Variants in SLC28A3 observed in about 807,000 individuals in gnomAD.
SLC28A3 encodes solute carrier family 28 member 3.
Under a neutral mutation model 84.2 loss-of-function variants are expected in SLC28A3, and 68 were observed. The observed-to-expected ratio is 0.81, with a 90% confidence interval of 0.66 to 0.99. The LOEUF (loss-of-function observed/expected upper bound fraction) is 0.99. Ranked by LOEUF, SLC28A3 falls within the 50% of genes least tolerant of loss-of-function variation. SLC28A3 has a pLI of 0.00. For missense variants in SLC28A3, 712 were observed against 841.5 expected (o/e 0.85, Z 1.90); for synonymous variants, 267 against 303.6 (o/e 0.88, Z 1.25).
At chr9:84,281,850 G>A (rs141046674) in intron 14 of SLC28A3, among the ~76,000 whole-genome samples, 4 of 152,368 alleles carry the variant, frequency 2.6e-5, no homozygotes, top group Admixed American at 1.3e-4. Flanking sequence ...CTAGGGCTGG[G>A]TGCGGTGGCT....
the SLC28A3 span, among the ~76,000 whole-genome samples, chr9:84,354,189 C>T: frequency 6.6e-6 from 1 of 152,216 alleles, no homozygotes; most frequent in African/African-American, 2.4e-5. Context: ...TCTCTTTGCT[C>T]AGATCTTAGC....
the SLC28A3 span, among the ~76,000 whole-genome samples, chr9:84,351,183 T>C: frequency 2.0e-5 from 3 of 152,210 alleles, no homozygotes; most frequent in South Asian, 4.1e-4. Flanking sequence ...TACTACAGCA[T>C]AAACACCCAC....
chr9:84,319,835 G>A (rs967958152), intron 1 of SLC28A3, among the ~76,000 whole-genome samples: 3 of 151,854 alleles, frequency 2.0e-5, no homozygotes, highest in African/African-American at 7.3e-5. Context: ...ATGTGACCAC[G>A]CCTTCACTCA....
Position 84,276,934 on chromosome 9 carries a change from G to T in SLC28A3, c.*1284C>A, listed in dbSNP as rs967555858. 3.3e-5 allele frequency: 5 copies of T among 152,194 alleles called. No homozygotes were observed. Among genetic ancestry groups the T allele is most frequent in the Non-Finnish European group, 7.3e-5 (5 of 68,048 alleles). The allele number at this position is 152,194 out of a possible 1,614,324, so 9.4% of individuals were successfully genotyped here. On this transcript the variant is annotated 3_prime_UTR_variant, in exon 18 of 18. Transcript: ENST00000376238. Reference sequence around the variant, plus strand: ...TGTTTGTGTTTTCTCACAGCATGTGGTCTTCATGCTATTAAGAGCAGTGGT... The same window carrying T: ...TGTTTGTGTTTTCTCACAGCATGTGTTCTTCATGCTATTAAGAGCAGTGGT...
At chr9:84,327,162 C>T (rs1317126254) in intron 1 of SLC28A3, among the ~76,000 whole-genome samples, 3 of 152,094 alleles carry the variant, frequency 2.0e-5, no homozygotes, top group Non-Finnish European at 2.9e-5. Flanking sequence ...TCTCTTTCTC[C>T]TTTCCTTTTT....
chr9:84,331,248 G>A (rs1204245959), intron 1 of SLC28A3, among the ~76,000 whole-genome samples: 1 of 152,152 alleles, frequency 6.6e-6, no homozygotes, highest in Non-Finnish European at 1.5e-5. Context: ...GTGTGTGTGT[G>A]TTTTAATTGA....
At chr9:84,297,326 C>T (rs1007209863) in intron 7 of SLC28A3, 28 bp from the exon 8 acceptor site, 4 of 1,568,396 alleles carry the variant, frequency 2.6e-6, no homozygotes, top group East Asian at 4.5e-5. Flanking sequence ...AAAGAGATTT[C>T]ATTCCAACCA....
intron 4 of SLC28A3, among the ~76,000 whole-genome samples, chr9:84,304,076 G>C (rs116505840): frequency 0.014 from 2,176 of 152,246 alleles, 52 homozygotes; most frequent in African/African-American, 0.05. Context: ...TTTGAACCTC[G>C]TGATTGATTC....
At chr9:84,291,117 G>T (rs1825203269) in intron 10 of SLC28A3, among the ~76,000 whole-genome samples, 1 of 152,236 alleles carries the variant, frequency 6.6e-6, no homozygotes, top group East Asian at 1.9e-4. Context: ...ATCTCTAATT[G>T]TTCTGTAAGA....
chr9:84,348,431 T>C, the SLC28A3 span, among the ~76,000 whole-genome samples: 2 of 152,022 alleles, frequency 1.3e-5, no homozygotes, highest in African/African-American at 4.8e-5. Flanking sequence ...ACTCACTAGC[T>C]GCAAGCTTGG....
chr9:84,365,284 C>G, the SLC28A3 span, among the ~76,000 whole-genome samples: 2 of 151,830 alleles, frequency 1.3e-5, no homozygotes, highest in Middle Eastern at 3.4e-3. Context: ...ATGTTGAGCA[C>G]CTTTTCATAT....
chr9:84,341,260 C>T (rs1040237141), upstream of SLC28A3, among the ~76,000 whole-genome samples: 3 of 152,048 alleles, frequency 2.0e-5, no homozygotes, highest in East Asian at 1.9e-4. Flanking sequence ...CATGAGCCAC[C>T]GTGCCCAGCC....
rs377212041 is a variant in SLC28A3, at chr9:84,340,659, G to A, written c.-26C>T. On this transcript the variant is annotated 5_prime_UTR_variant, in exon 1 of 18. Coordinates refer to ENST00000376238, the MANE Select transcript of SLC28A3 (RefSeq NM_001199633.2). ...GCTCTTTTTGCTGCTGGCTGGCTCT[G>A]GTCTGGAGGTCCTTTGTACCTGGGA... The A allele has an allele frequency of 6.2e-7, 1 of 1,613,970 alleles. No individual in the cohort carries two copies. The highest frequency in any genetic ancestry group is 1.1e-5 in the South Asian group (1 of 91,070).
chr9:84,340,662 C>T lies in SLC28A3; in HGVS notation c.-29G>A. 1.9e-6 allele frequency: 3 copies of T among 1,613,962 alleles called. No individual in the cohort carries two copies. Among genetic ancestry groups the T allele is most frequent in the Non-Finnish European group, 2.5e-6 (3 of 1,179,962 alleles). Reference sequence around the variant, plus strand: ...CTTTTTGCTGCTGGCTGGCTCTGGTCTGGAGGTCCTTTGTACCTGGGAAAA... The same window carrying T: ...CTTTTTGCTGCTGGCTGGCTCTGGTTTGGAGGTCCTTTGTACCTGGGAAAA... On this transcript the variant is annotated 5_prime_UTR_variant, in exon 1 of 18. Coordinates refer to ENST00000376238, the MANE Select transcript of SLC28A3 (RefSeq NM_001199633.2).
intron 14 of SLC28A3, among the ~76,000 whole-genome samples, chr9:84,284,702 A>G (rs568085146): frequency 6.6e-6 from 1 of 152,276 alleles, no homozygotes; most frequent in Admixed American, 6.5e-5. Context: ...ATCCCACCAA[A>G]GGCCAGGCAG....
At chr9:84,301,281 C>T (rs942920852) in intron 5 of SLC28A3, among the ~76,000 whole-genome samples, 10 of 130,510 alleles carry the variant, frequency 7.7e-5, no homozygotes, top group African/African-American at 2.0e-4. Context: ...ACCCAGGAGG[C>T]GGAGGTTGCA....
At position 84,302,679 on chromosome 9, in the gene SLC28A3, C is replaced by T. The variant is rs374613833; in HGVS notation, c.335-290G>A. 2.0e-5 allele frequency among the ~76,000 whole-genome samples: 3 copies of T among 152,240 alleles called. No homozygotes were observed. In the East Asian group the frequency reaches 5.8e-4, roughly 29 times the overall value. On this transcript the variant is annotated intron_variant, in intron 4 of 17. Coordinates refer to ENST00000376238, the MANE Select transcript of SLC28A3 (RefSeq NM_001199633.2). ...ATCTTGATGCTCAATCATTGGGCCT[C>T]TAAGTACTGGCCATTTTTACCACTG... is the stretch of plus-strand genomic sequence containing the variant.
chr9:84,276,751 A>G lies in SLC28A3; in HGVS notation c.*1467T>C, dbSNP rs1164294542. On this transcript the variant is annotated 3_prime_UTR_variant, in exon 18 of 18. Coordinates refer to ENST00000376238, the MANE Select transcript of SLC28A3 (RefSeq NM_001199633.2). ...GGCCTCCTCCTTCACCACCACAAAA[A>G]ACAAAACACACAAAAAACCCCAACT... The G allele has an allele frequency of 6.6e-6, 1 of 152,250 alleles. No individual in the cohort carries two copies. The highest frequency in any genetic ancestry group is 1.5e-5 in the Non-Finnish European group (1 of 68,048). The allele number at this position is 152,250 out of a possible 1,614,324, so 9.4% of individuals were successfully genotyped here. A position where few individuals can be genotyped will look rare whatever the true frequency, so the allele number is the denominator to read the frequency against.
At chr9:84,356,554 G>A in the SLC28A3 span, among the ~76,000 whole-genome samples, 3 of 152,206 alleles carry the variant, frequency 2.0e-5, no homozygotes, top group Admixed American at 6.5e-5. Flanking sequence ...AAATGAGGCC[G>A]GGCAAGGTGG....
Sources: gnomAD v4.1 joint callset for allele counts (sites outside exome capture counted in the v4.1 genomes callset) on GRCh38, gnomAD v4.1.1 for gene constraint, MANE v1.5 for transcripts, NCBI Gene and HGNC (gene_info 2026-07-23, HGNC 2026-07-21) for gene names.